Variants in NCF2 observed in about 807,000 individuals in gnomAD.
NCF2 encodes the protein neutrophil cytosolic factor 2.
A neutral mutation model predicts 70.9 loss-of-function variants in NCF2; 45 were observed. The observed-to-expected ratio is 0.63, with a 90% CI of 0.50 to 0.81. The LOEUF (loss-of-function observed/expected upper bound fraction) is 0.81, where lower values mean the gene tolerates loss of function less well. Ranked by LOEUF, NCF2 falls within the 40% of genes least tolerant of loss-of-function variation. The pLI is 0.00. For synonymous variants in NCF2, 203 were observed against 233.6 expected (o/e 0.87, Z 1.19); for missense variants, 522 against 631.6 (o/e 0.83, Z 1.86).
At chr1:183,573,392 A>G (rs1672658473) in intron 4 of NCF2, 100 bp from the exon 5 acceptor site, 3 of 1,107,198 alleles carry the variant, frequency 2.7e-6, no homozygotes, top group Non-Finnish European at 4.1e-6. Context: ...CATTGAGATA[A>G]CCACATAGAA....
intron 9 of NCF2, among the ~76,000 whole-genome samples, chr1:183,566,635 A>T (rs1016733788): frequency 1.3e-5 from 2 of 152,130 alleles, no homozygotes; most frequent in Non-Finnish European, 2.9e-5. Flanking sequence ...ACCCACTCAT[A>T]TACTGTAGGC....
At position 183,589,212 on chromosome 1, in the gene NCF2, T is replaced by C. The variant is rs553483448; in HGVS notation, c.174+944A>G. Among the ~76,000 whole-genome samples, 97 of 152,338 alleles carry C rather than the reference T, an allele frequency of 6.4e-4. 3 individuals are homozygous for C. In the East Asian group the frequency reaches 0.018, roughly 28 times the overall value. On this transcript the variant is annotated intron_variant, in intron 1 of 14. Transcript: ENST00000367535. ...GAAGGGACTGATTCTTTAAGGGACC[T>C]GGGGAGTCAACCACTGCCACACCTT...
chr1:183,576,683 G>C (rs1396454322), intron 3 of NCF2, among the ~76,000 whole-genome samples: 1 of 152,224 alleles, frequency 6.6e-6, no homozygotes, highest in Non-Finnish European at 1.5e-5. Flanking sequence ...TGTGAGACGT[G>C]AAGTTAGTTG....
chr1:183,586,342 GA>G (rs540686057), intron 2 of NCF2, among the ~76,000 whole-genome samples: 1 of 151,910 alleles, frequency 6.6e-6, no homozygotes, highest in African/African-American at 2.4e-5. Context: ...CTCGGAAAAA[GA>G]AAAAAAATTA....
At chr1:183,582,121 A>G (rs1256784805) in intron 2 of NCF2, among the ~76,000 whole-genome samples, 2 of 152,144 alleles carry the variant, frequency 1.3e-5, no homozygotes, top group African/African-American at 4.8e-5. Flanking sequence ...CTCTTTTCCC[A>G]TTACACAGGT....
At position 183,584,173 on chromosome 1, in the gene NCF2, G is replaced by A. The variant is rs1050103843; in HGVS notation, c.257+2722C>T. Among the ~76,000 whole-genome samples, 9 of 152,336 alleles carry A rather than the reference G, an allele frequency of 5.9e-5. No individual in the cohort carries two copies. In the South Asian group the frequency reaches 1.0e-3, roughly 18 times the overall value. ...GCCTTGCCCAGGAATGGATCCTCAA[G>A]GTTCACATACGGACTTCATATCTAT... is the stretch of plus-strand genomic sequence containing the variant. On this transcript the variant is annotated intron_variant, in intron 2 of 14. Coordinates refer to ENST00000367535, the MANE Select transcript of NCF2 (RefSeq NM_000433.4).
intron 6 of NCF2, among the ~76,000 whole-genome samples, chr1:183,569,870 G>T (rs945249763): frequency 6.6e-6 from 1 of 152,170 alleles, no homozygotes; most frequent in Admixed American, 6.5e-5. Flanking sequence ...GATTATAGGC[G>T]TGAGCCACTG....
intron 2 of NCF2, among the ~76,000 whole-genome samples, chr1:183,579,877 T>G (rs1025583766): frequency 5.3e-5 from 8 of 152,200 alleles, no homozygotes; most frequent in Admixed American, 3.9e-4. Context: ...TACTATTGTT[T>G]TTGTTGTTTT....
chr1:183,585,843 T>A (rs1673325151), intron 2 of NCF2, among the ~76,000 whole-genome samples: 1 of 152,340 alleles, frequency 6.6e-6, no homozygotes, highest in East Asian at 1.9e-4. Flanking sequence ...AATTTATTAA[T>A]CTTTGTACTA....
rs1672346083 is a variant in NCF2 at position 183,567,237 on chromosome 1, ATTGCCC to A, written c.816_821del (p.Lys272_Gly273del). 6.2e-7 allele frequency: 1 copy of A among 1,614,028 alleles called. No homozygotes were observed. Among genetic ancestry groups the A allele is most frequent in the Non-Finnish European group, 8.5e-7 (1 of 1,180,012 alleles). ...TGAACATGACCGTGGCCCAGTTATC[ATTGCCC>A]TTCTTCAAGACAAAGACAATGTTCC... On this transcript the variant is annotated inframe_deletion, in exon 8 of 15. Transcript: ENST00000367535.
chr1:183,590,487 C>T, upstream of NCF2: 1 of 773,280 alleles, frequency 1.3e-6, no homozygotes, highest in Non-Finnish European at 2.2e-6. Context: ...AAGATAACTT[C>T]TCAGTGTTGC....
At chr1:183,574,166 T>C (rs929654104) in intron 4 of NCF2, among the ~76,000 whole-genome samples, 4 of 152,182 alleles carry the variant, frequency 2.6e-5, no homozygotes, top group African/African-American at 9.7e-5. Flanking sequence ...TCAGTGGTGA[T>C]CAAGCAGACA....
At chr1:183,569,490 C>T (rs1255602485) in intron 6 of NCF2, among the ~76,000 whole-genome samples, 2 of 152,182 alleles carry the variant, frequency 1.3e-5, no homozygotes, top group Non-Finnish European at 2.9e-5. Flanking sequence ...ATGCTTTGAC[C>T]TTGAGCTCTG....
intron 14 of NCF2, among the ~76,000 whole-genome samples, chr1:183,559,032 C>A (rs895320571): frequency 2.6e-5 from 4 of 152,204 alleles, no homozygotes; most frequent in African/African-American, 7.2e-5. Flanking sequence ...GGCTGGCAAA[C>A]CACGAGTTGG....
chr1:183,557,616 A>G (rs986873419), intron 14 of NCF2, among the ~76,000 whole-genome samples: 1 of 152,254 alleles, frequency 6.6e-6, no homozygotes, highest in Non-Finnish European at 1.5e-5. Context: ...GAAGTGCTAC[A>G]ATATGGGTAT....
intron 13 of NCF2, among the ~76,000 whole-genome samples, chr1:183,560,572 A>G (rs1259791825): frequency 6.6e-6 from 1 of 152,174 alleles, no homozygotes; most frequent in South Asian, 2.1e-4. Context: ...TCAGATCGTC[A>G]GGCATTAGAT....
chr1:183,557,481 A>AT (rs750050717), intron 14 of NCF2, among the ~76,000 whole-genome samples: 80 of 152,374 alleles, frequency 5.3e-4, no homozygotes, highest in Admixed American at 2.0e-3. Flanking sequence ...ATTTAGGAAG[A>AT]TTCGCAGGTG....
intron 5 of NCF2, among the ~76,000 whole-genome samples, chr1:183,571,079 T>C (rs1460389379): frequency 7.8e-6 from 1 of 127,984 alleles, no homozygotes; most frequent in Admixed American, 8.7e-5. Flanking sequence ...AGAAATGTTT[T>C]TAATTGAGGT....
chr1:183,579,238 A>G (rs1453321769), intron 2 of NCF2, among the ~76,000 whole-genome samples: 4 of 152,326 alleles, frequency 2.6e-5, no homozygotes, highest in Non-Finnish European at 1.5e-5. Context: ...GTTCCACACC[A>G]ATATTATGGC....
Sources: allele counts gnomAD v4.1 joint callset (sites outside exome capture counted in the v4.1 genomes callset), GRCh38; gene constraint gnomAD v4.1.1; transcripts MANE v1.5; gene names NCBI Gene and HGNC (gene_info 2026-07-23, HGNC 2026-07-21).